The following RBM20 variants were observed in gnomAD, a reference collection of about 807,000 sequenced individuals.
RBM20 encodes the protein RNA binding motif protein 20.
In RBM20, 51 loss-of-function variants were observed where a neutral mutation model predicts 110.1. That is an observed-to-expected ratio of 0.46 (90% confidence interval 0.37 to 0.59). The LOEUF is 0.59. RBM20 is among the 20% of genes least tolerant of loss of function. The pLI, the probability that RBM20 is intolerant of heterozygous loss-of-function variation, is 0.00. For missense variants in RBM20, 1,512 were observed against 1,574.9 expected (o/e 0.96, Z 0.68); for synonymous variants, 589 against 618.2 (o/e 0.95, Z 0.70).
chr10:110,784,570 C>A (rs1017427046), intron 4 of RBM20, 138 bp downstream of exon 4: 59 of 749,360 alleles, frequency 7.9e-5, no homozygotes, highest in Non-Finnish European at 1.3e-4. Flanking sequence ...TCCCAAGACA[C>A]TAAAATGCAT....
intron 1 of RBM20, among the ~76,000 whole-genome samples, chr10:110,751,428 G>A (rs1178334942): frequency 6.6e-6 from 1 of 152,146 alleles, no homozygotes; most frequent in African/African-American, 2.4e-5. Flanking sequence ...AAAGACCAAA[G>A]AAGATAAAAA....
At chr10:110,788,402 G>C (rs1017877404) in intron 5 of RBM20, among the ~76,000 whole-genome samples, 2 of 152,190 alleles carry the variant, frequency 1.3e-5, no homozygotes, top group African/African-American at 4.8e-5. Context: ...CTTTTCTACA[G>C]ACCCAGTGGA....
chr10:110,806,223 G>A (rs556655755), intron 7 of RBM20, among the ~76,000 whole-genome samples: 6 of 150,284 alleles, frequency 4.0e-5, no homozygotes, highest in East Asian at 2.0e-4. Flanking sequence ...AGCCAAGGTC[G>A]CACCACTGCA....
intron 5 of RBM20, among the ~76,000 whole-genome samples, chr10:110,796,273 T>C (rs1269226773): frequency 1.3e-5 from 2 of 152,240 alleles, no homozygotes; most frequent in Admixed American, 6.5e-5. Flanking sequence ...TGTGCTGATA[T>C]TCTTTAAGCA....
Position 110,674,789 on chromosome 10 carries a change from T to C in RBM20, c.191+30144T>C, listed in dbSNP as rs138595942. Reference sequence around the variant, plus strand: ...TGATTTCATTCTGCACTCTTGACATTTAAAATAATTTAAATCAATAACTTC... The same window carrying C: ...TGATTTCATTCTGCACTCTTGACATCTAAAATAATTTAAATCAATAACTTC... On this transcript the variant is annotated intron_variant, in intron 1 of 13. Coordinates refer to ENST00000369519, the MANE Select transcript of RBM20 (RefSeq NM_001134363.3). 6.7e-3 allele frequency among the ~76,000 whole-genome samples: 1,028 copies of C among 152,346 alleles called. 5 individuals carry two copies. Among genetic ancestry groups the C allele is most frequent in the Non-Finnish European group, 0.011 (719 of 68,032 alleles).
At chr10:110,712,037 T>C (rs887505790) in intron 1 of RBM20, among the ~76,000 whole-genome samples, 1 of 152,258 alleles carries the variant, frequency 6.6e-6, no homozygotes, top group South Asian at 2.1e-4. Context: ...GAATCAGTAA[T>C]AGTAAGAAGT....
chr10:110,813,048 T>C, intron 9 of RBM20, 101 bp downstream of exon 9: 1 of 833,438 alleles, frequency 1.2e-6, no homozygotes, highest in Non-Finnish European at 1.8e-6. Flanking sequence ...GAATGAACAT[T>C]TACTGGCTAT....
chr10:110,767,612 C>T (rs1001485019), intron 1 of RBM20, among the ~76,000 whole-genome samples: 1 of 148,612 alleles, frequency 6.7e-6, no homozygotes, highest in African/African-American at 2.5e-5. Flanking sequence ...GCTTCTCAGA[C>T]GGGGCGGACG....
chr10:110,763,829 T>C (rs1383859811), intron 1 of RBM20, among the ~76,000 whole-genome samples: 1 of 151,632 alleles, frequency 6.6e-6, no homozygotes, highest in Non-Finnish European at 1.5e-5. Flanking sequence ...GAGCACAGTT[T>C]CTCAACTGCA....
intron 5 of RBM20, among the ~76,000 whole-genome samples, chr10:110,789,323 C>A (rs546277582): frequency 1.3e-5 from 2 of 152,300 alleles, no homozygotes; most frequent in South Asian, 4.1e-4. Flanking sequence ...CCAAGCCCTT[C>A]TGGGGACAGA....
intron 1 of RBM20, among the ~76,000 whole-genome samples, chr10:110,717,605 C>T (rs1863039206): frequency 6.6e-6 from 1 of 152,156 alleles, no homozygotes; most frequent in African/African-American, 2.4e-5. Context: ...GAATCCCACC[C>T]CTGCCGTTGA....
chr10:110,781,410 C>T lies in RBM20; in HGVS notation c.801C>T (p.Tyr267=), dbSNP rs879437834. The T allele has an allele frequency of 5.2e-6, 8 of 1,551,558 alleles. No individual in the cohort carries two copies. The African/African-American group carries it at 8.2e-5, about 16-fold the overall frequency. The part of the protein sequence containing the change: ...TSGSVTYEGH[Y]SHTGQDGQAA... Reference sequence around the variant, plus strand: ...GCAGTGTGACCTATGAAGGGCACTACAGCCACACAGGGCAGGATGGTCAAG... The same window carrying T: ...GCAGTGTGACCTATGAAGGGCACTATAGCCACACAGGGCAGGATGGTCAAG... The change falls in exon 2 of 14, where the codon TAC becomes TAT. Residue 267 remains tyrosine (Y), a synonymous_variant. Transcript: ENST00000369519.
intron 1 of RBM20, among the ~76,000 whole-genome samples, chr10:110,734,101 T>A (rs1843645605): frequency 6.6e-6 from 1 of 152,236 alleles, no homozygotes; most frequent in African/African-American, 2.4e-5. Context: ...CGACATTCTG[T>A]CTTGAATTAT....
chr10:110,792,615 A>C (rs1477124848), intron 5 of RBM20, among the ~76,000 whole-genome samples: 1 of 152,052 alleles, frequency 6.6e-6, no homozygotes, highest in Non-Finnish European at 1.5e-5. Flanking sequence ...CACTGCCCTG[A>C]CCCTGGTGCC....
chr10:110,657,484 C>T (rs1340512180), intron 1 of RBM20, among the ~76,000 whole-genome samples: 4 of 152,114 alleles, frequency 2.6e-5, no homozygotes, highest in South Asian at 2.1e-4. Flanking sequence ...ATCTATCATC[C>T]ATTTTAAAAC....
chr10:110,805,958 C>T (rs948817829), intron 7 of RBM20, among the ~76,000 whole-genome samples: 4 of 152,130 alleles, frequency 2.6e-5, no homozygotes, highest in African/African-American at 9.7e-5. Context: ...GTGTATTAGT[C>T]CGTTCTCACA....
intron 1 of RBM20, among the ~76,000 whole-genome samples, chr10:110,762,552 T>C (rs1393493720): frequency 6.6e-6 from 1 of 152,248 alleles, no homozygotes; most frequent in East Asian, 1.9e-4. Context: ...GTTCCTTTTA[T>C]TTCAATAATC....
intron 1 of RBM20, among the ~76,000 whole-genome samples, chr10:110,730,193 G>A (rs940072610): frequency 2.6e-5 from 4 of 152,202 alleles, no homozygotes; most frequent in African/African-American, 9.7e-5. Flanking sequence ...CCTGGGAGAA[G>A]CAGACCCCTG....
chr10:110,835,591 C>T, intron 13 of RBM20: 1 of 210,366 alleles, frequency 4.8e-6, no homozygotes, highest in South Asian at 1.3e-4. Context: ...CCACCTCGGC[C>T]TCCCAAGTGC....
Sources: allele counts gnomAD v4.1 joint callset (sites outside exome capture counted in the v4.1 genomes callset), GRCh38; gene constraint gnomAD v4.1.1; transcripts MANE v1.5; gene names NCBI Gene and HGNC (gene_info 2026-07-23, HGNC 2026-07-21).